Variants in VMP1 observed in about 807,000 individuals in gnomAD.
The protein encoded by VMP1 is ectopic P-granules autophagy protein 3 homolog.
VMP1 carries 11 observed loss-of-function variants against 56.0 expected under a neutral mutation model. The ratio of observed to expected loss-of-function variants is 0.20; its 90% CI spans 0.12 to 0.32. VMP1 has a LOEUF of 0.32. Among genes scored for constraint, VMP1 ranks in the 10% least tolerant of loss-of-function variants. The pLI, the probability that VMP1 is intolerant of heterozygous loss-of-function variation, is 1.00. For synonymous variants in VMP1, 149 were observed against 165.0 expected (o/e 0.90, Z 0.74); for missense variants, 296 against 490.3 (o/e 0.60, Z 3.74).
chr17:59,761,029 A>G (rs897405891), intron 5 of VMP1, among the ~76,000 whole-genome samples: 2 of 151,964 alleles, frequency 1.3e-5, no homozygotes, highest in Non-Finnish European at 2.9e-5. Context: ...CAGCCTCCCC[A>G]GTAGCTGGGA....
chr17:59,807,519 C>A (rs1400585911), intron 7 of VMP1, among the ~76,000 whole-genome samples: 1 of 151,878 alleles, frequency 6.6e-6, no homozygotes, highest in African/African-American at 2.4e-5. Context: ...CTTCTATATT[C>A]TCTTTATTGT....
At chr17:59,787,165 A>G (rs976817878) in intron 7 of VMP1, among the ~76,000 whole-genome samples, 4 of 152,206 alleles carry the variant, frequency 2.6e-5, no homozygotes, top group Non-Finnish European at 5.9e-5. Flanking sequence ...CACTTTGTTC[A>G]TCAAGAAAAG....
chr17:59,809,707 C>T lies in VMP1; in HGVS notation c.795+831C>T, dbSNP rs1213194795. Among the ~76,000 whole-genome samples the T allele has an allele frequency of 2.7e-5, 4 of 150,510 alleles. 1 individual carries two copies. In the South Asian group the frequency reaches 8.4e-4, roughly 32 times the overall value. On this transcript the variant is annotated intron_variant, in intron 8 of 11. Coordinates refer to ENST00000262291, the MANE Select transcript of VMP1 (RefSeq NM_030938.5). ...ATTTTTAGTAGAGACGGGGTTTCACCGTTTTAGCCGGGATGGTCTCGATCT... is the reference window on the plus strand; with the variant it reads ...ATTTTTAGTAGAGACGGGGTTTCACTGTTTTAGCCGGGATGGTCTCGATCT...
intron 1 of VMP1, among the ~76,000 whole-genome samples, chr17:59,724,153 A>G (rs936808819): frequency 2.0e-5 from 3 of 151,152 alleles, no homozygotes; most frequent in South Asian, 4.2e-4. Context: ...TCGAGGGTGC[A>G]GTAAGCCATG....
intron 7 of VMP1, among the ~76,000 whole-genome samples, chr17:59,792,888 T>C (rs35651084): frequency 1.5e-5 from 1 of 68,600 alleles, no homozygotes; most frequent in Non-Finnish European, 4.1e-5. Context: ...TTATTATTAT[T>C]ATTATCAGAT....
At chr17:59,820,965 C>CTTTTTT (rs201428600) in intron 10 of VMP1, among the ~76,000 whole-genome samples, 6 of 146,666 alleles carry the variant, frequency 4.1e-5, no homozygotes, top group African/African-American at 1.0e-4. Flanking sequence ...GTCTTTCTTT[C>CTTTTTT]TTTTTTTTGT....
At chr17:59,752,454 A>G (rs1263416707) in intron 5 of VMP1, among the ~76,000 whole-genome samples, 3 of 152,346 alleles carry the variant, frequency 2.0e-5, no homozygotes, top group Admixed American at 6.5e-5. Context: ...CATTTGCCAA[A>G]TAAGTACTAT....
At chr17:59,756,164 T>C (rs1210738561) in intron 5 of VMP1, among the ~76,000 whole-genome samples, 1 of 152,176 alleles carries the variant, frequency 6.6e-6, no homozygotes, top group African/African-American at 2.4e-5. Context: ...TCTAGAATTA[T>C]TTGCTGTAGA....
Position 59,747,402 on chromosome 17 carries a change from T to G in VMP1, c.414+8455T>G, listed in dbSNP as rs568968201. Among the ~76,000 whole-genome samples the G allele has an allele frequency of 2.1e-5, 3 of 139,766 alleles. No individual in the cohort carries two copies. The South Asian group carries it at 7.8e-4, about 37-fold the overall frequency. The allele number at this position is 139,766 out of a possible 152,430, so 91.7% of individuals were successfully genotyped here. A position where few individuals can be genotyped will look rare whatever the true frequency, so the allele number is the denominator to read the frequency against. ...GCAAGACCCCGGGTTTTTTTCTTTC[T>G]TTCTTTCTTTCTTTTTTTTTTTTTT... On this transcript the variant is annotated intron_variant, in intron 5 of 11. Transcript: ENST00000262291.
chr17:59,715,660 T>C (rs964270609), intron 1 of VMP1, among the ~76,000 whole-genome samples: 1 of 152,252 alleles, frequency 6.6e-6, no homozygotes, highest in Non-Finnish European at 1.5e-5. Flanking sequence ...AACATGCTAA[T>C]CATTTATTTA....
intron 7 of VMP1, among the ~76,000 whole-genome samples, chr17:59,780,868 G>T (rs2036799002): frequency 6.6e-6 from 1 of 152,168 alleles, no homozygotes; most frequent in African/African-American, 2.4e-5. Flanking sequence ...GATTACAGGT[G>T]TGAGCCCCTG....
chr17:59,770,966 G>A (rs548830713), intron 6 of VMP1, among the ~76,000 whole-genome samples: 1 of 148,474 alleles, frequency 6.7e-6, no homozygotes, highest in African/African-American at 2.5e-5. Context: ...TGTTCCTTGT[G>A]TTTCCTTTGA....
rs1015580817 is a variant in VMP1, at chr17:59,757,403, T to A, written c.415-7568T>A. Among the ~76,000 whole-genome samples, 5 of 152,292 alleles carry A rather than the reference T, an allele frequency of 3.3e-5. No homozygotes were observed. The South Asian group carries it at 1.0e-3, about 32-fold the overall frequency. Reference sequence around the variant, plus strand: ...GTTATTCTTAAAGCTAGAGTAAAAATTGATTACATAGAATTAGTTTGGTTT... The same window carrying A: ...GTTATTCTTAAAGCTAGAGTAAAAAATGATTACATAGAATTAGTTTGGTTT... On this transcript the variant is annotated intron_variant, in intron 5 of 11. Coordinates refer to ENST00000262291, the MANE Select transcript of VMP1 (RefSeq NM_030938.5).
At chr17:59,836,923 C>T (rs1421818467) in intron 10 of VMP1, among the ~76,000 whole-genome samples, 1 of 151,880 alleles carries the variant, frequency 6.6e-6, no homozygotes, top group Non-Finnish European at 1.5e-5. Flanking sequence ...AAGTGAAGGC[C>T]AGTCGCGGTG....
chr17:59,774,023 G>C, intron 7 of VMP1, 138 bp downstream of exon 7: 1 of 949,430 alleles, frequency 1.1e-6, no homozygotes, highest in Non-Finnish European at 1.4e-6. Flanking sequence ...TATTGCTTGA[G>C]ATAGAATATT....
In VMP1 at chr17:59,840,069, C is replaced by A; in HGVS notation, c.*158C>A. On this transcript the variant is annotated 3_prime_UTR_variant, in exon 12 of 12. Coordinates refer to ENST00000262291, the MANE Select transcript of VMP1 (RefSeq NM_030938.5). ...TTAGTCCATACTTTGCACTGACATA[C>A]TTTTTCCTTCTGTGCTAAGGTAAGG... 1 of 875,202 alleles carries A rather than the reference C, an allele frequency of 1.1e-6. No homozygotes were observed. Among genetic ancestry groups the A allele is most frequent in the Non-Finnish European group, 1.7e-6 (1 of 589,218 alleles). The allele number at this position is 875,202 out of a possible 1,614,324, so 54.2% of individuals were successfully genotyped here.
chr17:59,716,235 A>G (rs2034147639), intron 1 of VMP1, among the ~76,000 whole-genome samples: 2 of 152,300 alleles, frequency 1.3e-5, no homozygotes, highest in South Asian at 2.1e-4. Context: ...AGTGTACACA[A>G]CAGTCCAGTG....
intron 1 of VMP1, among the ~76,000 whole-genome samples, chr17:59,710,934 G>A (rs541110320): frequency 3.7e-4 from 56 of 152,300 alleles, no homozygotes; most frequent in African/African-American, 1.2e-3. Flanking sequence ...TTAGCTGGGT[G>A]TGGTGGCAGA....
chr17:59,716,531 TAGA>T (rs1306696870), intron 1 of VMP1, among the ~76,000 whole-genome samples: 1 of 152,166 alleles, frequency 6.6e-6, no homozygotes, highest in Non-Finnish European at 1.5e-5. Context: ...TTTTGTATAG[TAGA>T]AGAACTATTG....
Sources: gnomAD v4.1 joint callset for allele counts (sites outside exome capture counted in the v4.1 genomes callset) on GRCh38, gnomAD v4.1.1 for gene constraint, MANE v1.5 for transcripts, NCBI Gene and HGNC (gene_info 2026-07-23, HGNC 2026-07-21) for gene names.